CHST9: variants seen among roughly 807,000 people sequenced by gnomAD.
The protein encoded by CHST9 is carbohydrate sulfotransferase 9, also known as GalNAc-4-sulfotransferase 2.
CHST9 carries 41 observed loss-of-function variants against 44.4 expected under a neutral mutation model. The ratio of observed to expected loss-of-function variants is 0.92; its 90% CI spans 0.72 to 1.20. The LOEUF is 1.20. CHST9 is among the 50% of genes most tolerant of loss of function. The probability of loss-of-function intolerance (pLI) is 0.00; values close to 1 mark genes in which losing one functional copy is unlikely to be tolerated. For synonymous variants in CHST9, 171 were observed against 178.4 expected, an observed-to-expected ratio of 0.96 and a Z score of 0.33; for missense variants, 504 against 516.5, an observed-to-expected ratio of 0.98 and a Z score of 0.23.
At chr18:27,008,894 T>G (rs1357589542) in intron 4 of CHST9, among the ~76,000 whole-genome samples, 1 of 150,540 alleles carries the variant, frequency 6.6e-6, no homozygotes, top group Non-Finnish European at 1.5e-5. Flanking sequence ...TCTTGTTTTT[T>G]TGGTTCTGTT....
chr18:26,925,697 C>T (rs1191672834), intron 5 of CHST9: 1 of 152,064 alleles, frequency 6.6e-6, no homozygotes, highest in Non-Finnish European at 1.5e-5. Flanking sequence ...GCTTCAGTTT[C>T]CTTATCTGGA....
chr18:27,158,232 CTCCCAATGCTA>C (rs1248450523), intron 1 of CHST9, among the ~76,000 whole-genome samples: 1 of 152,032 alleles, frequency 6.6e-6, no homozygotes, highest in Non-Finnish European at 1.5e-5. Flanking sequence ...TTAGTTATAT[CTCCCAATGCTA>C]TCCCTCCCCC....
chr18:27,037,169 C>T (rs2057398336), intron 3 of CHST9, among the ~76,000 whole-genome samples: 2 of 152,104 alleles, frequency 1.3e-5, no homozygotes, highest in African/African-American at 4.8e-5. Context: ...TTAGCCTTGG[C>T]GTTTACATTT....
chr18:27,101,284 C>A (rs1277026773), intron 2 of CHST9, among the ~76,000 whole-genome samples: 1 of 152,054 alleles, frequency 6.6e-6, no homozygotes, highest in African/African-American at 2.4e-5. Context: ...TAAACACTTT[C>A]TTTTTACATA....
Position 26,911,928 on chromosome 18 carries a change from C to T in CHST9, c.*4331G>A, listed in dbSNP as rs1470091355. The T allele has an allele frequency of 6.6e-6, 1 of 151,902 alleles. No homozygotes were observed. Among genetic ancestry groups the T allele is most frequent in the Admixed American group, 6.6e-5 (1 of 15,250 alleles). 9.4% of individuals were successfully genotyped at this position (151,902 alleles called of 1,614,324 possible). ...CTTTTCTGCAGTCTTCCCGTGTAGG[C>T]TCAGGGTAATCTGACTACAAACTAG... On this transcript the variant is annotated 3_prime_UTR_variant, in exon 6 of 6. Transcript: ENST00000618847.
chr18:27,112,603 G>GTT (rs1555624911), intron 2 of CHST9, among the ~76,000 whole-genome samples: 1 of 150,882 alleles, frequency 6.6e-6, no homozygotes, highest in African/African-American at 2.4e-5. Flanking sequence ...GTGTGTGTGT[G>GTT]TGTGTGTGTG....
chr18:26,948,641 G>A (rs2056199606), intron 4 of CHST9, among the ~76,000 whole-genome samples: 1 of 152,218 alleles, frequency 6.6e-6, no homozygotes, highest in Non-Finnish European at 1.5e-5. Context: ...GGACAGCATG[G>A]TATCTAATAG....
intron 5 of CHST9, among the ~76,000 whole-genome samples, chr18:26,931,773 T>C (rs1290602865): frequency 1.3e-5 from 2 of 152,230 alleles, no homozygotes; most frequent in Non-Finnish European, 2.9e-5. Flanking sequence ...GGGCTTCACA[T>C]GCACCAGATG....
Position 26,910,550 on chromosome 18 carries a change from A to G in CHST9, c.*5709T>C, listed in dbSNP as rs1385562652. The G allele has an allele frequency of 6.6e-6, 1 of 152,222 alleles. No individual in the cohort carries two copies. Among genetic ancestry groups the G allele is most frequent in the African/African-American group, 2.4e-5 (1 of 41,466 alleles). 9.4% of individuals were successfully genotyped at this position (152,222 alleles called of 1,614,324 possible). On this transcript the variant is annotated 3_prime_UTR_variant, in exon 6 of 6. Coordinates refer to ENST00000618847, the MANE Select transcript of CHST9 (RefSeq NM_031422.6). Reference sequence around the variant, plus strand: ...AAGGGACTGACCTTGCCTCTGTCCAACTATTTTCAGGTGGGCATATAGAAT... The same window carrying G: ...AAGGGACTGACCTTGCCTCTGTCCAGCTATTTTCAGGTGGGCATATAGAAT...
chr18:26,917,118 A>T lies in CHST9; in HGVS notation c.473T>A (p.Leu158Ter). Reference protein sequence around the residue: ...NMNWPVDIHPLNKSLVKDNKW... With the variant: ...NMNWPVDIHP ...ATTATCTTTGACTAAACTTTTGTTT[A>T]AAGGGTGAATGTCCACTGGCCAATT... is the stretch of plus-strand genomic sequence containing the variant. The change falls in exon 6 of 6, where the codon TTA becomes TAA. Residue 158 changes from leucine (L) to a stop codon, truncating the protein, a stop_gained. Coordinates refer to ENST00000618847, the MANE Select transcript of CHST9 (RefSeq NM_031422.6). LOFTEE classifies it high-confidence loss of function. The T allele has an allele frequency of 6.2e-7, 1 of 1,613,936 alleles. No individual in the cohort carries two copies. Among genetic ancestry groups the T allele is most frequent in the Non-Finnish European group, 8.5e-7 (1 of 1,179,856 alleles).
At chr18:26,973,571 C>G (rs1214404475) in intron 4 of CHST9, among the ~76,000 whole-genome samples, 1 of 152,222 alleles carries the variant, frequency 6.6e-6, no homozygotes, top group East Asian at 1.9e-4. Context: ...TTTCTTAAAA[C>G]ATGACATTAT....
intron 2 of CHST9, among the ~76,000 whole-genome samples, chr18:27,087,593 A>T (rs1424944678): frequency 6.6e-6 from 1 of 152,230 alleles, no homozygotes; most frequent in Non-Finnish European, 1.5e-5. Context: ...TAACAATTGA[A>T]ATACACAGAA....
chr18:27,026,109 C>T (rs997078229), intron 3 of CHST9, among the ~76,000 whole-genome samples: 2 of 152,176 alleles, frequency 1.3e-5, no homozygotes, highest in Admixed American at 6.5e-5. Context: ...ATGATAGGCT[C>T]TTTCCTCCAT....
intron 4 of CHST9, among the ~76,000 whole-genome samples, chr18:26,978,096 T>A (rs995230951): frequency 6.6e-6 from 1 of 151,844 alleles, no homozygotes; most frequent in Non-Finnish European, 1.5e-5. Context: ...GTGGTTTTTT[T>A]TTTTCTCCCA....
At chr18:27,051,195 T>A (rs2057562645) in intron 2 of CHST9, among the ~76,000 whole-genome samples, 1 of 152,134 alleles carries the variant, frequency 6.6e-6, no homozygotes, top group South Asian at 2.1e-4. Context: ...GGAGGATCAC[T>A]TGAGGCCAGC....
Position 26,916,185 on chromosome 18 carries a change from A to T in CHST9, c.*74T>A, listed in dbSNP as rs1009079071. ...TGGTTAAATTTCTGTCATACAGAGA[A>T]TTATAGAAAAATTACAGCTGATTTG... is the stretch of plus-strand genomic sequence containing the variant. On this transcript the variant is annotated 3_prime_UTR_variant, in exon 6 of 6. Transcript: ENST00000618847. 1.7e-6 allele frequency: 2 copies of T among 1,185,856 alleles called. No individual in the cohort carries two copies. Among genetic ancestry groups the T allele is most frequent in the African/African-American group, 3.1e-5 (2 of 65,028 alleles). The allele number at this position is 1,185,856 out of a possible 1,614,324, so 73.5% of individuals were successfully genotyped here. A position where few individuals can be genotyped will look rare whatever the true frequency, so the allele number is the denominator to read the frequency against.
At chr18:26,944,002 G>A (rs2056124594) in intron 5 of CHST9, among the ~76,000 whole-genome samples, 1 of 152,142 alleles carries the variant, frequency 6.6e-6, no homozygotes. Flanking sequence ...GTAGATGGAA[G>A]TATCTATTTG....
chr18:27,157,654 A>G (rs1390100024), intron 1 of CHST9, among the ~76,000 whole-genome samples: 8 of 152,158 alleles, frequency 5.3e-5, no homozygotes. Flanking sequence ...ACCACACCAA[A>G]CAGTGCTCAC....
At chr18:26,983,925 C>T (rs1568120687) in intron 4 of CHST9, among the ~76,000 whole-genome samples, 1 of 152,132 alleles carries the variant, frequency 6.6e-6, no homozygotes, top group Admixed American at 6.6e-5. Context: ...TCTTGATATA[C>T]AAAAGACACT....
Sources: gnomAD v4.1 joint callset for allele counts (sites outside exome capture counted in the v4.1 genomes callset) on GRCh38, gnomAD v4.1.1 for gene constraint, MANE v1.5 for transcripts, NCBI Gene and HGNC (gene_info 2026-07-23, HGNC 2026-07-21) for gene names.